Variants in PRR5L observed in about 807,000 individuals in gnomAD.
PRR5L encodes proline rich 5 like, also known as proline-rich protein 5-like.
In PRR5L, 21 loss-of-function variants were observed where a neutral mutation model predicts 36.4. That is an observed-to-expected ratio of 0.58 (90% CI 0.41 to 0.83). The LOEUF is 0.83. Ranked by LOEUF, PRR5L falls within the 40% of genes least tolerant of loss-of-function variation. The pLI, the probability that PRR5L is intolerant of heterozygous loss-of-function variation, is 0.00. For missense variants in PRR5L, 381 were observed against 473.3 expected (o/e 0.80, Z 1.81); for synonymous variants, 188 against 197.0 (o/e 0.95, Z 0.38).
At chr11:36,376,332 GGGAGGAGGAGGAAGAGGA>G in intron 1 of PRR5L, 1 of 1,069,446 alleles carries the variant, frequency 9.4e-7, no homozygotes, top group African/African-American at 2.1e-5. Context: ...GGGGAGAAGG[GGGAGGAGGAGGAAGAGGA>G]GGAGGAGGAG....
intron 4 of PRR5L, among the ~76,000 whole-genome samples, chr11:36,427,997 G>A (rs1489822986): frequency 6.6e-6 from 1 of 152,226 alleles, no homozygotes; most frequent in Non-Finnish European, 1.5e-5. Context: ...TCCCCATTGA[G>A]TCAGCAGCAA....
At chr11:36,413,124 T>C (rs1268596248) in intron 3 of PRR5L, among the ~76,000 whole-genome samples, 2 of 152,154 alleles carry the variant, frequency 1.3e-5, no homozygotes, top group Non-Finnish European at 2.9e-5. Context: ...GCAAGCAGAA[T>C]AAACAGAGTA....
At chr11:36,384,278 C>A (rs1416212187) in intron 1 of PRR5L, among the ~76,000 whole-genome samples, 1 of 152,222 alleles carries the variant, frequency 6.6e-6, no homozygotes, top group Non-Finnish European at 1.5e-5. Flanking sequence ...AGCTTTGCTT[C>A]GTAACTCCAG....
At chr11:36,348,280 T>G (rs1856888030) in intron 1 of PRR5L, among the ~76,000 whole-genome samples, 1 of 152,210 alleles carries the variant, frequency 6.6e-6, no homozygotes, top group African/African-American at 2.4e-5. Flanking sequence ...TGTTTTCATC[T>G]GTAAAACAGC....
At chr11:36,431,114 G>C (rs1352830306) in intron 4 of PRR5L, among the ~76,000 whole-genome samples, 1 of 152,192 alleles carries the variant, frequency 6.6e-6, no homozygotes, top group Non-Finnish European at 1.5e-5. Flanking sequence ...AGGGGTCTGG[G>C]TGGGAAGACT....
chr11:36,330,781 G>A (rs1272765982), intron 1 of PRR5L, among the ~76,000 whole-genome samples: 2 of 145,544 alleles, frequency 1.4e-5, no homozygotes, highest in African/African-American at 2.8e-5. Context: ...GACATATTAC[G>A]GACAGCAAGG....
intron 1 of PRR5L, among the ~76,000 whole-genome samples, chr11:36,351,298 A>ATT (rs1856943336): frequency 1.8e-4 from 1 of 5,410 alleles, no homozygotes; most frequent in African/African-American, 6.5e-4. Flanking sequence ...TTATATATTT[A>ATT]TATATATATT....
intron 1 of PRR5L, among the ~76,000 whole-genome samples, chr11:36,370,517 G>A (rs1190282722): frequency 1.3e-5 from 2 of 152,178 alleles, no homozygotes; most frequent in Non-Finnish European, 2.9e-5. Context: ...ACACCAATAA[G>A]TGGCCAGCCA....
rs1385082720 is a variant in PRR5L at position 36,337,140 on chromosome 11, C to T, written c.-126+40702C>T. On this transcript the variant is annotated intron_variant, in intron 1 of 8. Transcript: ENST00000530639. ...TTTTCAAAATGCATTGTATTTGCCA[C>T]GGTCGCTGGGTCATGGGTCATTCCC... 2.0e-5 allele frequency among the ~76,000 whole-genome samples: 3 copies of T among 152,150 alleles called. 1 individual carries two copies. The highest frequency in any genetic ancestry group is 4.1e-4 in the South Asian group (2 of 4,822).
chr11:36,351,887 C>T (rs373103149), intron 1 of PRR5L, among the ~76,000 whole-genome samples: 1 of 148,776 alleles, frequency 6.7e-6, no homozygotes. Context: ...TATAAACATG[C>T]GTGTGCAAAT....
At chr11:36,419,216 G>A in intron 3 of PRR5L, 39 bp from the exon 4 acceptor site, 1 of 1,603,968 alleles carries the variant, frequency 6.2e-7, no homozygotes, top group Non-Finnish European at 8.5e-7. Context: ...GTACCATCAA[G>A]GGCTGCTTGA....
At chr11:36,449,920 C>T (rs1439290949) in intron 7 of PRR5L, among the ~76,000 whole-genome samples, 1 of 152,144 alleles carries the variant, frequency 6.6e-6, no homozygotes, top group African/African-American at 2.4e-5. Flanking sequence ...TCTGTGGTCC[C>T]TCCCTGTTTA....
intron 1 of PRR5L, among the ~76,000 whole-genome samples, chr11:36,378,309 G>A: frequency 6.6e-6 from 1 of 152,202 alleles, no homozygotes; most frequent in East Asian, 1.9e-4. Flanking sequence ...GTGGAACCTG[G>A]CTGGTTAGTC....
intron 1 of PRR5L, among the ~76,000 whole-genome samples, chr11:36,360,236 T>G (rs1857073065): frequency 1.3e-5 from 2 of 152,144 alleles, no homozygotes; most frequent in African/African-American, 4.8e-5. Flanking sequence ...TACCTATTAT[T>G]AGTGGGATGG....
chr11:36,408,757 C>CTCTCCCTAAACAGTCTTTTCTGCCAA lies in PRR5L; in HGVS notation c.245+5379_245+5380insTCTCCCTAAACAGTCTTTTCTGCCAA, dbSNP rs1857963258. Reference sequence around the variant, plus strand: ...TCTCCCTAAACAGTCTTTTCTGCCACCTCTCCCACTGATTTTATGTAACCG... The same window carrying CTCTCCCTAAACAGTCTTTTCTGCCAA: ...TCTCCCTAAACAGTCTTTTCTGCCACTCTCCCTAAACAGTCTTTTCTGCCAACTCTCCCACTGATTTTATGTAACCG... On this transcript the variant is annotated intron_variant, in intron 3 of 8. Coordinates refer to ENST00000530639, the MANE Select transcript of PRR5L (RefSeq NM_001160167.2). Among the ~76,000 whole-genome samples, 7 of 152,066 alleles carry CTCTCCCTAAACAGTCTTTTCTGCCAA rather than the reference C, an allele frequency of 4.6e-5. No homozygotes were observed. In the South Asian group the frequency reaches 1.5e-3, roughly 32 times the overall value.
chr11:36,384,660 CTTCTTTCT>C (rs138334033), intron 1 of PRR5L, among the ~76,000 whole-genome samples: 87,769 of 149,210 alleles, frequency 0.59, 26,362 homozygotes, highest in Non-Finnish European at 0.66. Context: ...CTTTTTCTCT[CTTCTTTCT>C]TTCTTTCTTT....
chr11:36,431,859 CT>C lies in PRR5L; in HGVS notation c.303del (p.Ala103GlnfsTer50). ...SFITDYFQNQ[L>X]LAKGLFFVEE... ...CTTTGTTCTCTTTTGGCAGAACCAG[CT>C]TCTTGCAAAAGGACTGTTCTTTGTG... is the stretch of plus-strand genomic sequence containing the variant. On this transcript the variant is annotated frameshift_variant, in exon 5 of 9. Transcript: ENST00000530639. LOFTEE classifies it high-confidence loss of function. 6.2e-7 allele frequency: 1 copy of C among 1,614,082 alleles called. No homozygotes were observed. Among genetic ancestry groups the C allele is most frequent in the Non-Finnish European group, 8.5e-7 (1 of 1,179,912 alleles).
In PRR5L at chr11:36,419,290, C is replaced by T; in HGVS notation, c.281C>T (p.Thr94Ile). ...LLKSELGSFITDYFQNQLLAK... is the reference protein window; with the variant it reads ...LLKSELGSFIIDYFQNQLLAK... ...AAGAGTGAACTTGGATCATTCATTA[C>T]AGACTATTTTCAGGTAAGCTGTGTG... The change falls in exon 4 of 9, where the codon ACA becomes ATA. Residue 94 changes from threonine to isoleucine, a missense_variant. Physicochemically the swap from Thr to Ile is moderately conservative, Grantham distance 89. Coordinates refer to ENST00000530639, the MANE Select transcript of PRR5L (RefSeq NM_001160167.2). The T allele has an allele frequency of 6.2e-7, 1 of 1,614,022 alleles. No homozygotes were observed. Among genetic ancestry groups the T allele is most frequent in the Non-Finnish European group, 8.5e-7 (1 of 1,179,888 alleles).
chr11:36,356,194 G>C (rs1032212006), intron 1 of PRR5L, among the ~76,000 whole-genome samples: 1 of 152,100 alleles, frequency 6.6e-6, no homozygotes, highest in Non-Finnish European at 1.5e-5. Flanking sequence ...TTACAGGCAT[G>C]AGCCACCATG....
Sources: allele counts gnomAD v4.1 joint callset (sites outside exome capture counted in the v4.1 genomes callset), GRCh38; gene constraint gnomAD v4.1.1; transcripts MANE v1.5; gene names NCBI Gene and HGNC (gene_info 2026-07-23, HGNC 2026-07-21).